The following TNIP3 variants were observed in gnomAD, a reference collection of about 807,000 sequenced individuals.
The protein encoded by TNIP3 is TNFAIP3-interacting protein 3.
Under a neutral mutation model 54.1 loss-of-function variants are expected in TNIP3, and 34 were observed. The ratio of observed to expected loss-of-function variants is 0.63; its 90% CI spans 0.48 to 0.84. TNIP3 has a LOEUF of 0.84. TNIP3 is among the 40% of genes least tolerant of loss of function. The pLI is 0.00. For missense variants in TNIP3, 366 were observed against 387.6 expected (o/e 0.94, Z 0.47); for synonymous variants, 134 against 136.8 (o/e 0.98, Z 0.14).
intron 5 of TNIP3, among the ~76,000 whole-genome samples, chr4:121,152,609 G>A: frequency 6.6e-6 from 1 of 152,124 alleles, no homozygotes; most frequent in Middle Eastern, 3.2e-3. Context: ...TCTGAGCAAA[G>A]TCCTGTTCTA....
At chr4:121,143,843 T>C (rs533837442) in intron 7 of TNIP3, among the ~76,000 whole-genome samples, 1 of 152,324 alleles carries the variant, frequency 6.6e-6, no homozygotes, top group Admixed American at 6.5e-5. Flanking sequence ...ACACACTTTT[T>C]CTCTATAAGG....
chr4:121,227,337 G>A, intron 1 of TNIP3: 1 of 1,522,286 alleles, frequency 6.6e-7, no homozygotes, highest in Non-Finnish European at 8.8e-7. Flanking sequence ...ACCAACCCTG[G>A]TAAGTAAGCG....
intron 3 of TNIP3, among the ~76,000 whole-genome samples, chr4:121,173,761 T>C (rs1724130986): frequency 6.6e-6 from 1 of 152,152 alleles, no homozygotes; most frequent in Non-Finnish European, 1.5e-5. Flanking sequence ...CCCGAGCAGC[T>C]GGGGTTACAG....
chr4:121,175,577 G>C (rs1724266201), intron 3 of TNIP3, among the ~76,000 whole-genome samples: 1 of 152,166 alleles, frequency 6.6e-6, no homozygotes, highest in Non-Finnish European at 1.5e-5. Flanking sequence ...TCTTCCAAAA[G>C]ACAATCTGCA....
chr4:121,181,224 T>C (rs1344360177), intron 3 of TNIP3, among the ~76,000 whole-genome samples: 3 of 152,046 alleles, frequency 2.0e-5, no homozygotes, highest in Admixed American at 6.6e-5. Context: ...AAGATGATAA[T>C]GGGAGGATAT....
chr4:121,152,232 A>G (rs1031628182), intron 5 of TNIP3, among the ~76,000 whole-genome samples: 13 of 152,206 alleles, frequency 8.5e-5, no homozygotes, highest in African/African-American at 2.9e-4. Context: ...TCAGCTACCA[A>G]AATCAACATT....
intron 8 of TNIP3, among the ~76,000 whole-genome samples, chr4:121,142,119 T>C (rs1729156404): frequency 6.6e-6 from 1 of 152,212 alleles, no homozygotes. Context: ...GGTGAAACTA[T>C]AATCATTTCC....
At chr4:121,203,098 G>A (rs1725980560) in intron 2 of TNIP3, among the ~76,000 whole-genome samples, 1 of 152,078 alleles carries the variant, frequency 6.6e-6, no homozygotes, top group Admixed American at 6.6e-5. Flanking sequence ...AGGAAAGGAA[G>A]TCATCATATG....
intron 2 of TNIP3, among the ~76,000 whole-genome samples, chr4:121,203,543 A>G (rs1398030181): frequency 6.6e-6 from 1 of 152,126 alleles, no homozygotes; most frequent in Non-Finnish European, 1.5e-5. Context: ...TAGTGCACCA[A>G]AATCTCAGAA....
intron 3 of TNIP3, among the ~76,000 whole-genome samples, chr4:121,181,431 C>T (rs965987988): frequency 6.6e-6 from 1 of 152,122 alleles, no homozygotes; most frequent in African/African-American, 2.4e-5. Context: ...CCTTATTTGA[C>T]CTCATAACCA....
upstream of TNIP3, among the ~76,000 whole-genome samples, chr4:121,217,052 ATTTG>A (rs374463382): frequency 4.3e-4 from 65 of 152,344 alleles, 1 homozygote; most frequent in East Asian, 0.011. Flanking sequence ...TTCCGACAGA[ATTTG>A]TTTCTCATTT....
chr4:121,220,755 T>C (rs1726993980), upstream of TNIP3, among the ~76,000 whole-genome samples: 1 of 152,194 alleles, frequency 6.6e-6, no homozygotes, highest in African/African-American at 2.4e-5. Flanking sequence ...AATAAGTGAA[T>C]GTCCTTAGCT....
chr4:121,167,469 G>A (rs1730828096), upstream of TNIP3, among the ~76,000 whole-genome samples: 2 of 152,040 alleles, frequency 1.3e-5, no homozygotes, highest in African/African-American at 4.8e-5. Context: ...TGCTGCAAAG[G>A]GAGCACAGTA....
At chr4:121,194,267 G>A (rs1725450820) in intron 2 of TNIP3, among the ~76,000 whole-genome samples, 1 of 151,758 alleles carries the variant, frequency 6.6e-6, no homozygotes, top group African/African-American at 2.4e-5. Context: ...AAATGGCTGA[G>A]GAAAAAAATA....
Position 121,154,979 on chromosome 4 carries a change from T to TAA in TNIP3, c.364-302_364-301dup, listed in dbSNP as rs61650606. ...AATTCCCAATTCTTTTTTTTTTTTTTAAAGACGAATTCTCACACTGTCTCC... is the reference window on the plus strand; with the variant it reads ...AATTCCCAATTCTTTTTTTTTTTTTTAAAAAGACGAATTCTCACACTGTCTCC... On this transcript the variant is annotated intron_variant, in intron 4 of 10. Coordinates refer to ENST00000057513, the MANE Select transcript of TNIP3 (RefSeq NM_024873.6). Among the ~76,000 whole-genome samples the TAA allele has an allele frequency of 1.9e-4, 28 of 151,066 alleles. No homozygotes were observed. The East Asian group carries it at 5.4e-3, about 29-fold the overall frequency.
chr4:121,151,717 T>A (rs1423829227), intron 5 of TNIP3, among the ~76,000 whole-genome samples: 1 of 152,118 alleles, frequency 6.6e-6, no homozygotes, highest in Non-Finnish European at 1.5e-5. Context: ...CTTTTGTAGA[T>A]CTTGTTATTT....
chr4:121,164,341 C>G (rs1351144436), upstream of TNIP3: 3 of 1,315,228 alleles, frequency 2.3e-6, no homozygotes, highest in African/African-American at 4.5e-5. Flanking sequence ...AGCACTGCAA[C>G]TGGGATTTTA....
At position 121,158,726 on chromosome 4, in the gene TNIP3, A is replaced by T; in HGVS notation, c.174T>A (p.Asp58Glu). ...KELLEVNQQW[D>E]QQFRSMKELY... ...ACTCTTTCATACTTCTAAATTGCTG[A>T]TCCCATTGCTGGTTAACTTCCAGGA... Residue 58 changes from aspartate to glutamate, a missense_variant, in exon 3 of 11, where the codon GAT becomes GAA. Physicochemically the swap from Asp to Glu is conservative, Grantham distance 45. Transcript: ENST00000057513. 6.2e-7 allele frequency: 1 copy of T among 1,612,934 alleles called. No individual in the cohort carries two copies. Among genetic ancestry groups the T allele is most frequent in the Non-Finnish European group, 8.5e-7 (1 of 1,179,666 alleles).
At chr4:121,154,732 T>A (rs1296069429) in intron 4 of TNIP3, 53 bp from the exon 5 acceptor site, 18 of 1,514,782 alleles carry the variant, frequency 1.2e-5, no homozygotes, top group Non-Finnish European at 1.6e-5. Flanking sequence ...TCAAATGAGA[T>A]GATATTGTAG....
Sources: allele counts gnomAD v4.1 joint callset (sites outside exome capture counted in the v4.1 genomes callset), GRCh38; gene constraint gnomAD v4.1.1; transcripts MANE v1.5; gene names NCBI Gene and HGNC (gene_info 2026-07-23, HGNC 2026-07-21).